FNDC3A: variants seen among roughly 807,000 people sequenced by gnomAD.
The protein encoded by FNDC3A is fibronectin type-III domain-containing protein 3A.
In FNDC3A, 32 loss-of-function variants were observed where a neutral mutation model predicts 148.9. That is an observed-to-expected ratio of 0.21 (90% CI 0.16 to 0.29). The LOEUF (loss-of-function observed/expected upper bound fraction) is 0.29, where lower values mean the gene tolerates loss of function less well. Among genes scored for constraint, FNDC3A ranks in the 10% least tolerant of loss-of-function variants. The probability of loss-of-function intolerance (pLI) is 1.00; values close to 1 mark genes in which losing one functional copy is unlikely to be tolerated. For missense variants in FNDC3A, 1,191 were observed against 1,452.8 expected (o/e 0.82, Z 2.93); for synonymous variants, 472 against 473.6 (o/e 1.00, Z 0.04).
intron 2 of FNDC3A, among the ~76,000 whole-genome samples, chr13:49,071,449 C>T (rs1877685402): frequency 6.6e-6 from 1 of 152,116 alleles, no homozygotes; most frequent in African/African-American, 2.4e-5. Context: ...TGAGGAACCT[C>T]CATACTGTTT....
chr13:49,008,475 T>C (rs1338740779), intron 2 of FNDC3A, among the ~76,000 whole-genome samples: 1 of 152,188 alleles, frequency 6.6e-6, no homozygotes. Flanking sequence ...TGCACAAGCA[T>C]GATGTTAAAA....
At position 49,186,013 on chromosome 13, in the gene FNDC3A, A is replaced by G; in HGVS notation, c.1667A>G (p.Glu556Gly). Reference protein sequence around the residue: ...EGKSNPSEVVEFTTCPDKPGI... With the variant: ...EGKSNPSEVVGFTTCPDKPGI... ...AAAAGTAATCCAAGTGAAGTAGTAG[A>G]ATTTACTACTTGCCCTGATAAACCA... Residue 556 changes from glutamate to glycine, a missense_variant, in exon 15 of 26, where the codon GAA becomes GGA. Physicochemically the swap from Glu to Gly is moderately conservative, Grantham distance 98. This residue lies in a region of FNDC3A where 751 missense variants were observed against 944.0 expected (regional missense o/e 0.80). Coordinates refer to ENST00000492622, the MANE Select transcript of FNDC3A (RefSeq NM_001079673.2). 5 of 1,612,032 alleles carry G rather than the reference A, an allele frequency of 3.1e-6. No homozygotes were observed. Among genetic ancestry groups the G allele is most frequent in the Non-Finnish European group, 4.2e-6 (5 of 1,178,302 alleles).
At chr13:49,200,549 A>T (rs1886374953) in intron 23 of FNDC3A, among the ~76,000 whole-genome samples, 1 of 152,058 alleles carries the variant, frequency 6.6e-6, no homozygotes, top group South Asian at 2.1e-4. Context: ...TTTCTAGCAT[A>T]CATTTGGGGT....
chr13:49,008,519 C>CT (rs1167795089), intron 2 of FNDC3A, among the ~76,000 whole-genome samples: 1 of 152,134 alleles, frequency 6.6e-6, no homozygotes, highest in East Asian at 1.9e-4. Flanking sequence ...CTTGTCTTGA[C>CT]TTTTCTTCAG....
rs76160054 is a variant in FNDC3A at position 49,147,533 on chromosome 13, T to TA, written c.977+1611dup. ...AAATAGGGAATCGTGATTTTAAGTT[T>TA]AAAAAAAAAAAAAGTAGGGAATAGG... On this transcript the variant is annotated intron_variant, in intron 8 of 25. Transcript: ENST00000492622. Among the ~76,000 whole-genome samples, 792 of 143,970 alleles carry TA rather than the reference T, an allele frequency of 5.5e-3. 3 individuals are homozygous for TA. The highest frequency in any genetic ancestry group is 0.018 in the African/African-American group (704 of 39,456). 94.4% of individuals were successfully genotyped at this position (143,970 alleles called of 152,430 possible). A position where few individuals can be genotyped will look rare whatever the true frequency, so the allele number is the denominator to read the frequency against.
intron 8 of FNDC3A, among the ~76,000 whole-genome samples, chr13:49,162,919 T>TC (rs1884241310): frequency 6.6e-6 from 1 of 151,042 alleles, no homozygotes; most frequent in Non-Finnish European, 1.5e-5. Flanking sequence ...CAGACCCTGT[T>TC]GCCTAGGTAT....
At chr13:49,150,513 G>T (rs1233333884) in intron 8 of FNDC3A, among the ~76,000 whole-genome samples, 1 of 150,760 alleles carries the variant, frequency 6.6e-6, no homozygotes, top group Non-Finnish European at 1.5e-5. Context: ...TCCTTAATTT[G>T]TCCCTCTACC....
chr13:49,082,061 G>T lies in FNDC3A; in HGVS notation c.175+6697G>T, dbSNP rs548918001. Among the ~76,000 whole-genome samples the T allele has an allele frequency of 5.3e-5, 8 of 151,400 alleles. No individual in the cohort carries two copies. In the East Asian group the frequency reaches 1.6e-3, roughly 29 times the overall value. ...CGTTAATAAATGTCAAACTCAAGAA[G>T]ATCAGAACATATTGAAATGATAGGT... is the stretch of plus-strand genomic sequence containing the variant. On this transcript the variant is annotated intron_variant, in intron 3 of 25. Transcript: ENST00000492622.
intron 2 of FNDC3A, chr13:49,044,799 C>T: frequency 2.4e-6 from 1 of 421,576 alleles, no homozygotes; most frequent in South Asian, 2.0e-5. Flanking sequence ...GCTTTTGTTG[C>T]CAGGCCATTT....
chr13:49,087,069 G>T (rs1031566025), intron 3 of FNDC3A, among the ~76,000 whole-genome samples: 3 of 152,136 alleles, frequency 2.0e-5, no homozygotes, highest in Admixed American at 6.5e-5. Flanking sequence ...CAATATTTTT[G>T]TTAGAAAGGA....
intron 2 of FNDC3A, among the ~76,000 whole-genome samples, chr13:49,039,358 G>A (rs1015295876): frequency 6.6e-6 from 1 of 152,066 alleles, no homozygotes; most frequent in African/African-American, 2.4e-5. Context: ...CTTTTCCCAA[G>A]CTGTAGGCTC....
chr13:49,013,653 C>T (rs977871558), intron 2 of FNDC3A, among the ~76,000 whole-genome samples: 5 of 149,406 alleles, frequency 3.3e-5, no homozygotes, highest in African/African-American at 4.9e-5. Context: ...CATGTGTATA[C>T]ATGTATACAT....
intron 2 of FNDC3A, among the ~76,000 whole-genome samples, chr13:49,029,026 T>C (rs1593491717): frequency 1.3e-5 from 2 of 152,260 alleles, no homozygotes; most frequent in East Asian, 3.9e-4. Flanking sequence ...CAGGCTGGAG[T>C]GCAGTGACAT....
chr13:49,109,575 G>A (rs1348795577), intron 3 of FNDC3A, among the ~76,000 whole-genome samples: 1 of 152,092 alleles, frequency 6.6e-6, no homozygotes, highest in African/African-American at 2.4e-5. Context: ...CTTTCCTGTT[G>A]TAACTGGACA....
chr13:49,082,155 TG>T (rs1232972020), intron 3 of FNDC3A, among the ~76,000 whole-genome samples: 98 of 152,006 alleles, frequency 6.4e-4, no homozygotes, highest in African/African-American at 2.0e-3. Context: ...GAGGCCGAGG[TG>T]GGGCGGATCA....
At chr13:49,099,478 G>C (rs1448631647) in intron 3 of FNDC3A, among the ~76,000 whole-genome samples, 1 of 151,986 alleles carries the variant, frequency 6.6e-6, no homozygotes, top group Non-Finnish European at 1.5e-5. Context: ...TGTCACCAGG[G>C]CACCAAGTGG....
intron 8 of FNDC3A, among the ~76,000 whole-genome samples, chr13:49,151,066 G>A (rs1329661103): frequency 6.6e-6 from 1 of 152,084 alleles, no homozygotes; most frequent in Non-Finnish European, 1.5e-5. Flanking sequence ...GCCTTTGGAT[G>A]AAATGTATTC....
At chr13:49,117,010 C>T (rs188323990) in intron 4 of FNDC3A, among the ~76,000 whole-genome samples, 16 of 152,048 alleles carry the variant, frequency 1.1e-4, no homozygotes, top group Non-Finnish European at 2.2e-4. Context: ...TATGATTGGA[C>T]TGATTCATCA....
chr13:49,190,866 C>T lies in FNDC3A; in HGVS notation c.1945-149C>T. On this transcript the variant is annotated intron_variant, in intron 17 of 25. Coordinates refer to ENST00000492622, the MANE Select transcript of FNDC3A (RefSeq NM_001079673.2). ...ATTTAATTGGGTTTTCATTTTTTTT[C>T]AGAACTTTATTCCTTTTTTGTTGAC... 6.9e-6 allele frequency: 4 copies of T among 575,954 alleles called. No individual in the cohort carries two copies. In the South Asian group the frequency reaches 8.0e-5, roughly 11 times the overall value. The allele number at this position is 575,954 out of a possible 1,614,324, so 35.7% of individuals were successfully genotyped here.
Sources: gnomAD v4.1 joint callset for allele counts (sites outside exome capture counted in the v4.1 genomes callset) on GRCh38, gnomAD v4.1.1 for gene constraint, gnomAD v4.1.1 regional missense constraint, MANE v1.5 for transcripts, NCBI Gene and HGNC (gene_info 2026-07-23, HGNC 2026-07-21) for gene names.